Variants in MAST1 observed in about 807,000 individuals in gnomAD.
MAST1 encodes microtubule associated serine/threonine kinase 1, also known as microtubule-associated serine/threonine-protein kinase 1.
MAST1 carries 40 observed loss-of-function variants against 124.6 expected under a neutral mutation model. That is an observed-to-expected ratio of 0.32 (90% confidence interval 0.25 to 0.42). MAST1 has a LOEUF of 0.42. MAST1 is among the 10% of genes least tolerant of loss of function. The pLI is 1.00. For synonymous variants in MAST1, 938 were observed against 939.4 expected (o/e 1.00, Z 0.03); for missense variants, 1,558 against 2,181.9 (o/e 0.71, Z 5.70).
intron 10 of MAST1, among the ~76,000 whole-genome samples, chr19:12,855,648 A>G (rs764103602): frequency 1.3e-5 from 2 of 152,224 alleles, no homozygotes. Flanking sequence ...ACACAGATAT[A>G]TACACATACC....
chr19:12,854,004 AC>A (rs1303510908), intron 10 of MAST1, among the ~76,000 whole-genome samples: 1 of 150,166 alleles, frequency 6.7e-6, no homozygotes, highest in Non-Finnish European at 1.5e-5. Flanking sequence ...CTTTTTTATC[AC>A]CCCCAAAGGG....
intron 1 of MAST1, among the ~76,000 whole-genome samples, chr19:12,839,357 T>C (rs984032799): frequency 3.3e-5 from 5 of 150,970 alleles, no homozygotes; most frequent in Admixed American, 3.3e-4. Flanking sequence ...TAGTAAGATG[T>C]CACTTACATG....
chr19:12,853,072 G>C (rs931989689), intron 10 of MAST1, among the ~76,000 whole-genome samples: 3 of 150,530 alleles, frequency 2.0e-5, no homozygotes, highest in African/African-American at 7.3e-5. Context: ...CTGGGTTCAA[G>C]CAATTCTCCT....
intron 22 of MAST1, 68 bp from the exon 23 acceptor site, chr19:12,870,756 A>G (rs950775711): frequency 2.5e-5 from 38 of 1,499,728 alleles, no homozygotes; most frequent in Non-Finnish European, 3.2e-5. Flanking sequence ...TGTCCTGCAT[A>G]TAAGTTTAGG....
At position 12,874,560 on chromosome 19, in the gene MAST1, C is replaced by T. The variant is rs560126753; in HGVS notation, c.4403C>T (p.Pro1468Leu). The change falls in exon 26 of 26, where the codon CCT (proline) becomes CTT (leucine). Residue 1468 changes from proline (P) to leucine (L), a missense_variant. Transcript: ENST00000251472. This position sits in a 1 kb window ranked among gnomAD's most constrained non-coding sequence, Gnocchi z 6.6. ...TTGCAGGAACCCGCACCCCTGGCGC[C>T]TTCCGTGCCCGAGGCCCCCCGGGGC... The part of the protein sequence containing the change: ...KGLQEPAPLA[P>L]SVPEAPRGRE... 3 of 1,509,104 alleles carry T rather than the reference C, an allele frequency of 2.0e-6. No individual in the cohort carries two copies. In the Admixed American group the frequency reaches 6.7e-5, roughly 34 times the overall value. 93.5% of individuals were successfully genotyped at this position (1,509,104 alleles called of 1,614,324 possible).
chr19:12,856,485 A>C (rs1202359577), intron 10 of MAST1, among the ~76,000 whole-genome samples: 1 of 151,778 alleles, frequency 6.6e-6, no homozygotes, highest in Non-Finnish European at 1.5e-5. Flanking sequence ...TGTATTTTTA[A>C]TAGAGACAGG....
intron 12 of MAST1, among the ~76,000 whole-genome samples, chr19:12,863,747 T>C (rs1970114430): frequency 6.6e-6 from 1 of 152,036 alleles, no homozygotes; most frequent in Non-Finnish European, 1.5e-5. Context: ...CTAGCCTTTG[T>C]AGGATAAAAA....
At chr19:12,860,494 G>T (rs1244393101) in intron 12 of MAST1, among the ~76,000 whole-genome samples, 3 of 136,176 alleles carry the variant, frequency 2.2e-5, no homozygotes, top group Non-Finnish European at 3.0e-5. Flanking sequence ...CACCAGGCTC[G>T]AATGCAGTGG....
chr19:12,838,529 C>T lies in MAST1; in HGVS notation c.-44C>T. ...CCCGCGCCGCCGCCGCCGCCGCCTC[C>T]GCCGCTGCTGCCGCACCTGCCACCA... On this transcript the variant is annotated 5_prime_UTR_variant, in exon 1 of 26. Coordinates refer to ENST00000251472, the MANE Select transcript of MAST1 (RefSeq NM_014975.3). The surrounding 1 kb of genome is among the most constrained non-coding windows in gnomAD (Gnocchi z 4.3). 7.0e-7 allele frequency: 1 copy of T among 1,424,512 alleles called. No homozygotes were observed. 88.2% of individuals were successfully genotyped at this position (1,424,512 alleles called of 1,614,324 possible).
intron 7 of MAST1, 85 bp downstream of exon 7, chr19:12,848,142 A>T: frequency 8.1e-7 from 1 of 1,241,518 alleles, no homozygotes; most frequent in Non-Finnish European, 1.1e-6. Flanking sequence ...CCCCACATAC[A>T]TTCAGGGAGC....
chr19:12,839,723 C>T lies in MAST1; in HGVS notation c.84-723C>T, dbSNP rs11085817. ...TCGGACACAGACTCAGAATGCCACACAAAGACATAGATACATGTAGGGGGG... is the reference window on the plus strand; with the variant it reads ...TCGGACACAGACTCAGAATGCCACATAAAGACATAGATACATGTAGGGGGG... On this transcript the variant is annotated intron_variant, in intron 1 of 25. Transcript: ENST00000251472. 2.0e-3 allele frequency among the ~76,000 whole-genome samples: 306 copies of T among 152,194 alleles called. 8 individuals are homozygous for T. In the East Asian group the frequency reaches 0.055, roughly 27 times the overall value.
chr19:12,864,448 A>C (rs1373929298), intron 12 of MAST1, among the ~76,000 whole-genome samples: 1 of 151,864 alleles, frequency 6.6e-6, no homozygotes, highest in African/African-American at 2.4e-5. Context: ...TAAGGCTTCC[A>C]GCTCCAAGGT....
In MAST1 at chr19:12,852,263, C is replaced by T. The variant is rs1229732935; in HGVS notation, c.1009+16C>T. The T allele has an allele frequency of 6.2e-6, 10 of 1,613,810 alleles. No individual in the cohort carries two copies. The highest frequency in any genetic ancestry group is 3.3e-5 in the Admixed American group (2 of 60,006). On this transcript the variant is annotated intron_variant, in intron 9 of 25. Coordinates refer to ENST00000251472, the MANE Select transcript of MAST1 (RefSeq NM_014975.3). ...CCCTTTCCAGGTGCCGGCTGGTGGG[C>T]GCAGGGGGACTGGGGGTGAGCAGGC... is the stretch of plus-strand genomic sequence containing the variant.
intron 12 of MAST1, among the ~76,000 whole-genome samples, chr19:12,861,352 C>T (rs1190830176): frequency 6.6e-6 from 1 of 152,202 alleles, no homozygotes; most frequent in Non-Finnish European, 1.5e-5. Flanking sequence ...GCATGAGCCA[C>T]CATGCCCAGC....
chr19:12,868,695 A>C lies in MAST1; in HGVS notation c.2619A>C (p.Ala873=). Residue 873 remains alanine, a synonymous_variant, in exon 21 of 26, where the codon GCA becomes GCC. Coordinates refer to ENST00000251472, the MANE Select transcript of MAST1 (RefSeq NM_014975.3). The stretch of plus-strand genomic sequence containing the variant: ...GCCCACCCTCGAAGGATGGGGATGC[A>C]TCAGGCCCAAGGGCTACCAATGACT... The part of the protein sequence containing the change: ...DLCPPSKDGD[A]SGPRATNDLV... 6.2e-7 allele frequency: 1 copy of C among 1,612,424 alleles called. No homozygotes were observed. The highest frequency in any genetic ancestry group is 8.5e-7 in the Non-Finnish European group (1 of 1,178,858).
chr19:12,839,034 C>T (rs1329586558), intron 1 of MAST1, among the ~76,000 whole-genome samples: 1 of 151,864 alleles, frequency 6.6e-6, no homozygotes, highest in African/African-American at 2.4e-5. Flanking sequence ...TGCTCCTGGA[C>T]GCGCTAATAT....
At position 12,874,109 on chromosome 19, in the gene MAST1, G is replaced by A. The variant is rs777354054; in HGVS notation, c.3952G>A (p.Glu1318Lys). The A allele has an allele frequency of 8.8e-5, 136 of 1,552,042 alleles. No homozygotes were observed. Among genetic ancestry groups the A allele is most frequent in the Non-Finnish European group, 1.2e-4 (134 of 1,151,116 alleles). Residue 1318 changes from glutamate to lysine, a missense_variant, in exon 26 of 26, where the codon GAG (glutamate) becomes AAG (lysine). By Grantham distance (56) the Glu-to-Lys change is moderately conservative. This residue lies in a region of MAST1 where 263 missense variants were observed against 310.9 expected (regional missense o/e 0.85). Coordinates refer to ENST00000251472, the MANE Select transcript of MAST1 (RefSeq NM_014975.3). The surrounding 1 kb of genome is among the most constrained non-coding windows in gnomAD (Gnocchi z 6.6). ...GTCCGACGGTGAGACGCCCCCAGTC[G>A]AGGGCCTTGGCGCGCCCCGGCAGGT... is the stretch of plus-strand genomic sequence containing the variant. ...AESDGETPPV[E>K]GLGAPRQVAV...
In MAST1 at chr19:12,843,634, C is replaced by T; in HGVS notation, c.327+27C>T. ...TGAGTGTGGAAAGTAGGTGGGTGGG[C>T]CGGTGGGTAAGGAATTCAGGGGCCC... On this transcript the variant is annotated intron_variant, in intron 4 of 25. Coordinates refer to ENST00000251472, the MANE Select transcript of MAST1 (RefSeq NM_014975.3). The surrounding 1 kb of genome is among the most constrained non-coding windows in gnomAD (Gnocchi z 4.9). 1.2e-6 allele frequency: 2 copies of T among 1,603,944 alleles called. No individual in the cohort carries two copies. The highest frequency in any genetic ancestry group is 1.7e-6 in the Non-Finnish European group (2 of 1,173,142).
intron 7 of MAST1, among the ~76,000 whole-genome samples, chr19:12,850,391 A>G (rs1366159623): frequency 6.6e-6 from 1 of 152,192 alleles, no homozygotes; most frequent in African/African-American, 2.4e-5. Flanking sequence ...CCCAATAGGT[A>G]TTAGGGCTGA....
Sources: allele counts gnomAD v4.1 joint callset (sites outside exome capture counted in the v4.1 genomes callset), GRCh38; gene constraint gnomAD v4.1.1; regional missense constraint gnomAD v4.1.1; non-coding constraint Gnocchi (gnomAD v3.1); transcripts MANE v1.5; gene names NCBI Gene and HGNC (gene_info 2026-07-23, HGNC 2026-07-21).